The following CD1B variants were observed in gnomAD, a reference collection of about 807,000 sequenced individuals.
CD1B encodes the protein CD1b molecule, also known as T-cell surface glycoprotein CD1b.
In CD1B, 43 loss-of-function variants were observed where a neutral mutation model predicts 39.8. The ratio of observed to expected loss-of-function variants is 1.08; its 90% CI spans 0.85 to 1.39. CD1B has a LOEUF of 1.39. Among genes scored for constraint, CD1B ranks in the 40% most tolerant of loss-of-function variants. The pLI, the probability that CD1B is intolerant of heterozygous loss-of-function variation, is 0.00. For missense variants in CD1B, 495 were observed against 403.8 expected, an observed-to-expected ratio of 1.23 and a Z score of -1.94; for synonymous variants, 192 against 152.5, an observed-to-expected ratio of 1.26 and a Z score of -1.91.
chr1:158,290,038 T>G, the CD1B span: 1 of 1,611,400 alleles, frequency 6.2e-7, no homozygotes, highest in Non-Finnish European at 8.5e-7. Flanking sequence ...ACAGCTTTTC[T>G]GAGAGAAAGA....
At chr1:158,308,871 A>G in the CD1B span, among the ~76,000 whole-genome samples, 1 of 152,244 alleles carries the variant, frequency 6.6e-6, no homozygotes, top group Non-Finnish European at 1.5e-5. Context: ...CTGAAACCGT[A>G]AAAACCCTAG....
At chr1:158,329,215 A>T (rs907476106) in intron 4 of CD1B, among the ~76,000 whole-genome samples, 155 bp downstream of exon 4, 1 of 152,068 alleles carries the variant, frequency 6.6e-6, no homozygotes, top group Non-Finnish European at 1.5e-5. Flanking sequence ...AACTTGGATT[A>T]TCTATTTTTA....
At chr1:158,329,062 C>T in intron 4 of CD1B, 48 bp from the exon 5 acceptor site, 1 of 1,483,012 alleles carries the variant, frequency 6.7e-7, no homozygotes, top group South Asian at 1.2e-5. Flanking sequence ...ATACTATACA[C>T]AGAATTCCTT....
At chr1:158,318,478 A>T in the CD1B span, among the ~76,000 whole-genome samples, 2 of 152,056 alleles carry the variant, frequency 1.3e-5, no homozygotes, top group Non-Finnish European at 2.9e-5. Context: ...AGAGACTAGG[A>T]TTGCAATCCC....
the CD1B span, among the ~76,000 whole-genome samples, chr1:158,321,878 C>G: frequency 0.017 from 2,562 of 152,212 alleles, 70 homozygotes; most frequent in African/African-American, 0.058. Context: ...GGTATTAACC[C>G]CAGCATCCAT....
chr1:158,299,965 T>C, the CD1B span, among the ~76,000 whole-genome samples: 1 of 151,988 alleles, frequency 6.6e-6, no homozygotes, highest in African/African-American at 2.4e-5. Context: ...CTTTTGAAGA[T>C]TTTTTTTGTG....
the CD1B span, among the ~76,000 whole-genome samples, chr1:158,286,066 G>A: frequency 6.6e-6 from 1 of 152,226 alleles, no homozygotes; most frequent in African/African-American, 2.4e-5. Context: ...AGTGGTCTTA[G>A]GGAAGTGACA....
At chr1:158,328,561 T>TTGC (rs1362976423) in intron 5 of CD1B, among the ~76,000 whole-genome samples, 1 of 152,096 alleles carries the variant, frequency 6.6e-6, no homozygotes, top group Non-Finnish European at 1.5e-5. Context: ...AGAGACAGAA[T>TTGC]GTAGAGCTGT....
the CD1B span, among the ~76,000 whole-genome samples, chr1:158,305,448 T>C: frequency 2.0e-5 from 3 of 152,186 alleles, no homozygotes; most frequent in African/African-American, 4.8e-5. Flanking sequence ...ACCAAATCTA[T>C]GTCTGATTGG....
intron 2 of CD1B, chr1:158,330,497 C>T (rs535425693): frequency 1.7e-6 from 1 of 587,406 alleles, no homozygotes; most frequent in South Asian, 1.8e-5. Flanking sequence ...TTAGATCACT[C>T]AGGCACAGGG....
At chr1:158,294,878 T>C in the CD1B span, among the ~76,000 whole-genome samples, 1 of 152,174 alleles carries the variant, frequency 6.6e-6, no homozygotes, top group African/African-American at 2.4e-5. Flanking sequence ...ATTCCATGTA[T>C]GAATATAACT....
At chr1:158,325,536 T>C (rs1571182143), downstream of CD1B, among the ~76,000 whole-genome samples, 1 of 152,208 alleles carries the variant, frequency 6.6e-6, no homozygotes, top group East Asian at 1.9e-4. Context: ...TGTTGATATG[T>C]AATCCATGTT....
At chr1:158,323,897 C>A (rs962907918), downstream of CD1B, among the ~76,000 whole-genome samples, 2 of 152,130 alleles carry the variant, frequency 1.3e-5, no homozygotes, top group African/African-American at 2.4e-5. Context: ...GAGACTGGGT[C>A]CCCTCAGGAT....
chr1:158,314,464 T>C, the CD1B span, among the ~76,000 whole-genome samples: 7 of 152,226 alleles, frequency 4.6e-5, no homozygotes, highest in East Asian at 1.4e-3. Flanking sequence ...TTTATTTCTG[T>C]TTTTACATTT....
chr1:158,296,720 A>G, the CD1B span, among the ~76,000 whole-genome samples: 1 of 152,188 alleles, frequency 6.6e-6, no homozygotes. Context: ...TAATACAATA[A>G]CTGAAAGACA....
At chr1:158,289,950 G>C in the CD1B span, 1 of 891,070 alleles carries the variant, frequency 1.1e-6, no homozygotes, top group Non-Finnish European at 1.8e-6. Context: ...GTCAGCGGCT[G>C]ATGGGGAAGA....
At chr1:158,323,866 G>T (rs187428037), downstream of CD1B, among the ~76,000 whole-genome samples, 181 of 152,350 alleles carry the variant, frequency 1.2e-3, no homozygotes, top group Non-Finnish European at 2.0e-3. Context: ...CATTGGCTCA[G>T]ATGTGGGAGG....
chr1:158,316,281 A>G, the CD1B span, among the ~76,000 whole-genome samples: 1 of 151,938 alleles, frequency 6.6e-6, no homozygotes, highest in Non-Finnish European at 1.5e-5. Flanking sequence ...GATTCTTCCT[A>G]CCCATGAGCA....
At chr1:158,291,105 TACACTACTTGCC>T in the CD1B span, 1 of 1,596,590 alleles carries the variant, frequency 6.3e-7, no homozygotes. Context: ...TTTTTTTCCT[TACACTACTTGCC>T]CTTCTTCCAC....
Sources: gnomAD v4.1 joint callset for allele counts (sites outside exome capture counted in the v4.1 genomes callset) on GRCh38, gnomAD v4.1.1 for gene constraint, MANE v1.5 for transcripts, NCBI Gene and HGNC (gene_info 2026-07-23, HGNC 2026-07-21) for gene names.